CCDC3: variants seen among roughly 807,000 people sequenced by gnomAD.
CCDC3 encodes coiled-coil domain-containing protein 3.
In CCDC3, 24 loss-of-function variants were observed where a neutral mutation model predicts 21.4. The observed-to-expected ratio is 1.12, with a 90% confidence interval of 0.81 to 1.58. The LOEUF is 1.58. CCDC3 is among the 40% of genes most tolerant of loss of function. The pLI is 0.00. For missense variants in CCDC3, 425 were observed against 360.9 expected, an observed-to-expected ratio of 1.18 and a Z score of -1.44; for synonymous variants, 186 against 166.0, an observed-to-expected ratio of 1.12 and a Z score of -0.93.
At chr10:12,913,043 TTC>T (rs1173965463) in intron 2 of CCDC3, among the ~76,000 whole-genome samples, 3 of 152,242 alleles carry the variant, frequency 2.0e-5, no homozygotes, top group Non-Finnish European at 2.9e-5. Flanking sequence ...AGTACAATGC[TTC>T]TTTTTTTCCC....
chr10:13,058,287 C>T (rs1023613639), intron 4 of CCDC3: 20 of 1,365,544 alleles, frequency 1.5e-5, no homozygotes, highest in Middle Eastern at 2.5e-4. Context: ...CTTTCCACAT[C>T]GTATTCATCG....
chr10:13,090,548 A>AT (rs1467352966), intron 3 of CCDC3, among the ~76,000 whole-genome samples: 1 of 152,108 alleles, frequency 6.6e-6, no homozygotes, highest in African/African-American at 2.4e-5. Flanking sequence ...GTTCAGGCCC[A>AT]TTTTTCCAAA....
intron 2 of CCDC3, among the ~76,000 whole-genome samples, chr10:12,965,504 T>G (rs536882574): frequency 1.1e-4 from 16 of 152,228 alleles, no homozygotes; most frequent in Non-Finnish European, 2.1e-4. Context: ...AATATAAATT[T>G]ACGATTCCTA....
At chr10:13,037,230 C>T (rs1194771095) in intron 5 of CCDC3, among the ~76,000 whole-genome samples, 1 of 151,956 alleles carries the variant, frequency 6.6e-6, no homozygotes, top group South Asian at 2.1e-4. Context: ...AACGTTTTAT[C>T]ACACATTTCA....
At chr10:13,076,708 CA>C (rs1327395817) in intron 3 of CCDC3, among the ~76,000 whole-genome samples, 1 of 152,220 alleles carries the variant, frequency 6.6e-6, no homozygotes, top group African/African-American at 2.4e-5. Flanking sequence ...TCCCAGCTCG[CA>C]GCCTATGCCC....
intron 3 of CCDC3, among the ~76,000 whole-genome samples, chr10:13,089,388 AT>A (rs1837151964): frequency 6.6e-6 from 1 of 152,132 alleles, no homozygotes; most frequent in African/African-American, 2.4e-5. Flanking sequence ...CTATTGTTAT[AT>A]TCTTTGAAGT....
chr10:12,982,594 G>C (rs901728150), intron 2 of CCDC3, among the ~76,000 whole-genome samples: 1 of 151,630 alleles, frequency 6.6e-6, no homozygotes, highest in Admixed American at 6.6e-5. Flanking sequence ...AGGAGTTCAA[G>C]ACCAGCCTGA....
chr10:13,037,952 T>G (rs11258149), intron 5 of CCDC3, among the ~76,000 whole-genome samples: 48,941 of 151,934 alleles, frequency 0.32, 8,157 homozygotes, highest in Non-Finnish European at 0.36. Context: ...ACTAACAACT[T>G]AGACCCTAAG....
chr10:12,923,337 C>T (rs1834482399), intron 2 of CCDC3, among the ~76,000 whole-genome samples: 1 of 152,204 alleles, frequency 6.6e-6, no homozygotes, highest in South Asian at 2.1e-4. Flanking sequence ...TTCACAAATA[C>T]CTGAATTACA....
intron 2 of CCDC3, among the ~76,000 whole-genome samples, chr10:12,943,754 ACT>A (rs1480277883): frequency 6.6e-6 from 1 of 152,034 alleles, no homozygotes; most frequent in African/African-American, 2.4e-5. Context: ...TGTCTATAAA[ACT>A]CTGTGCATTT....
At chr10:12,972,960 T>C (rs1425879160) in intron 2 of CCDC3, among the ~76,000 whole-genome samples, 1 of 152,226 alleles carries the variant, frequency 6.6e-6, no homozygotes, top group Non-Finnish European at 1.5e-5. Flanking sequence ...TGGCTGCAGC[T>C]CGTGACCAGG....
chr10:13,023,436 T>G (rs1407310646), intron 5 of CCDC3, among the ~76,000 whole-genome samples: 1 of 152,148 alleles, frequency 6.6e-6, no homozygotes, highest in Non-Finnish European at 1.5e-5. Context: ...GTTTCAGTTC[T>G]CCTACCCAAA....
chr10:13,019,826 T>C (rs560434262), intron 5 of CCDC3, among the ~76,000 whole-genome samples: 1 of 152,140 alleles, frequency 6.6e-6, no homozygotes, highest in Non-Finnish European at 1.5e-5. Flanking sequence ...TGAAACCCCG[T>C]CTTTACTAAA....
intron 5 of CCDC3, among the ~76,000 whole-genome samples, chr10:13,007,929 G>C (rs2131292137): frequency 6.6e-6 from 1 of 152,308 alleles, no homozygotes; most frequent in South Asian, 2.1e-4. Context: ...GAAGAGACAT[G>C]CAAGATAGGA....
At chr10:13,029,998 A>G (rs947618766) in intron 5 of CCDC3, among the ~76,000 whole-genome samples, 7 of 152,224 alleles carry the variant, frequency 4.6e-5, no homozygotes, top group African/African-American at 1.7e-4. Flanking sequence ...GAAAGCCACA[A>G]AGATACTCCT....
chr10:13,093,901 A>T (rs1355223468), intron 3 of CCDC3, among the ~76,000 whole-genome samples: 1 of 152,238 alleles, frequency 6.6e-6, no homozygotes, highest in African/African-American at 2.4e-5. Context: ...TCAGGCATGC[A>T]AAGAAGATAA....
chr10:13,014,048 T>C (rs1325332033), intron 5 of CCDC3, among the ~76,000 whole-genome samples: 1 of 150,958 alleles, frequency 6.6e-6, no homozygotes, highest in Non-Finnish European at 1.5e-5. Flanking sequence ...CTGCTCAGGA[T>C]GCTGAGGCAG....
chr10:12,970,607 G>A (rs1028829883), intron 2 of CCDC3, among the ~76,000 whole-genome samples: 6 of 152,136 alleles, frequency 3.9e-5, no homozygotes, highest in African/African-American at 1.2e-4. Flanking sequence ...GGCCGGGTAC[G>A]GTGGCTCACG....
Position 13,067,000 on chromosome 10 carries a change from C to A in CCDC3, c.-270+6868G>T, listed in dbSNP as rs920784470. Reference sequence around the variant, plus strand: ...TGAACTAAGGAGCAAAATTCTGCAACATTTTGGCTCCTAGGTGTGGGGCTT... The same window carrying A: ...TGAACTAAGGAGCAAAATTCTGCAAAATTTTGGCTCCTAGGTGTGGGGCTT... On this transcript the variant is annotated intron_variant, in intron 4 of 6. Transcript: ENST00000378839. Among the ~76,000 whole-genome samples the A allele has an allele frequency of 2.0e-5, 3 of 152,172 alleles. No homozygotes were observed. The East Asian group carries it at 5.8e-4, about 29-fold the overall frequency.
Sources: gnomAD v4.1 joint callset for allele counts (sites outside exome capture counted in the v4.1 genomes callset) on GRCh38, gnomAD v4.1.1 for gene constraint, MANE v1.5 for transcripts, NCBI Gene and HGNC (gene_info 2026-07-23, HGNC 2026-07-21) for gene names.